Variants in PDZRN3 observed in about 807,000 individuals in gnomAD.
PDZRN3 encodes the protein PDZ domain containing ring finger 3.
A neutral mutation model predicts 85.7 loss-of-function variants in PDZRN3; 38 were observed. The observed-to-expected ratio is 0.44, with a 90% confidence interval of 0.34 to 0.58. The LOEUF (loss-of-function observed/expected upper bound fraction) is 0.58. Ranked by LOEUF, PDZRN3 falls within the 20% of genes least tolerant of loss-of-function variation. The pLI is 0.01. For synonymous variants in PDZRN3, 759 were observed against 638.0 expected (o/e 1.19, Z -2.86); for missense variants, 1,629 against 1,506.4 (o/e 1.08, Z -1.35).
chr3:73,384,172 C>T lies in PDZRN3; in HGVS notation c.2394G>A (p.Thr798=), dbSNP rs373980614. Residue 798 remains threonine, a synonymous_variant, in exon 10 of 10, where the codon ACG becomes ACA. Coordinates refer to ENST00000263666, the MANE Select transcript of PDZRN3 (RefSeq NM_015009.3). ...TCTTGGAGGCTGGCCCGTAGGCTTC[C>T]GTGGTCCCCACAGCCCCTTCGCTGC... ...CPSSEGAVGT[T]EAYGPASKNL... is the part of the protein sequence containing the mutation. The T allele has an allele frequency of 3.5e-5, 56 of 1,613,974 alleles. No homozygotes were observed. The highest frequency in any genetic ancestry group is 4.7e-5 in the Non-Finnish European group (55 of 1,180,042).
chr3:73,460,610 C>A (rs1463285807), intron 3 of PDZRN3, among the ~76,000 whole-genome samples: 1 of 152,094 alleles, frequency 6.6e-6, no homozygotes, highest in African/African-American at 2.4e-5. Context: ...TTTATGATAA[C>A]CACATTTTCT....
intron 3 of PDZRN3, among the ~76,000 whole-genome samples, chr3:73,600,366 C>CTCTCTT (rs1702499275): frequency 6.6e-6 from 1 of 150,708 alleles, no homozygotes; most frequent in African/African-American, 2.4e-5. Flanking sequence ...CTCTCTCTCT[C>CTCTCTT]AAAATAATCA....
intron 3 of PDZRN3, among the ~76,000 whole-genome samples, chr3:73,577,877 T>C (rs1034666699): frequency 6.6e-6 from 1 of 152,234 alleles, no homozygotes; most frequent in Non-Finnish European, 1.5e-5. Context: ...CCAAAGCCTC[T>C]TTTTGTGAAT....
At chr3:73,597,761 TGAA>T (rs1252500777) in intron 3 of PDZRN3, among the ~76,000 whole-genome samples, 1 of 147,046 alleles carries the variant, frequency 6.8e-6, no homozygotes, top group South Asian at 2.1e-4. Flanking sequence ...AAAAAAAAGA[TGAA>T]GAGAGAAATA....
chr3:73,385,421 A>G (rs1047734842), intron 9 of PDZRN3, among the ~76,000 whole-genome samples: 5 of 152,258 alleles, frequency 3.3e-5, no homozygotes, highest in African/African-American at 1.2e-4. Context: ...TGTTTTCCAA[A>G]CAAATTATCA....
At chr3:73,505,909 G>A (rs956520251) in intron 3 of PDZRN3, among the ~76,000 whole-genome samples, 1 of 152,104 alleles carries the variant, frequency 6.6e-6, no homozygotes, top group Non-Finnish European at 1.5e-5. Flanking sequence ...GCACAGAGGA[G>A]GCACTCAACC....
At chr3:73,466,838 A>G (rs1403153195) in intron 3 of PDZRN3, among the ~76,000 whole-genome samples, 1 of 152,240 alleles carries the variant, frequency 6.6e-6, no homozygotes, top group East Asian at 1.9e-4. Flanking sequence ...TCTGGAACAT[A>G]AAACACTAGG....
intron 3 of PDZRN3, among the ~76,000 whole-genome samples, chr3:73,470,163 AAAATT>A (rs1703307464): frequency 6.6e-6 from 1 of 152,242 alleles, no homozygotes; most frequent in Admixed American, 6.5e-5. Flanking sequence ...GCTAAAAAAA[AAAATT>A]AAAATATTGA....
Position 73,624,258 on chromosome 3 carries a change from G to T in PDZRN3, c.568C>A (p.Arg190Ser). The change falls in exon 1 of 10, where the codon CGC (arginine) becomes AGC (serine). Residue 190 changes from arginine to serine, a missense_variant. Arg to Ser is a moderately radical substitution (Grantham distance 110, BLOSUM62 -1). Transcript: ENST00000263666. Reference protein sequence around the residue: ...LHKALKKEALRAGKREKSLVA... With the variant: ...LHKALKKEALSAGKREKSLVA... ...AGCGACTTCTCGCGCTTCCCAGCGC[G>T]CAGCGCCTCCTTCTTGAGCGCCTTG... 1 of 1,440,780 alleles carries T rather than the reference G, an allele frequency of 6.9e-7. No homozygotes were observed. Among genetic ancestry groups the T allele is most frequent in the East Asian group, 2.9e-5 (1 of 34,294 alleles). 89.2% of individuals were successfully genotyped at this position (1,440,780 alleles called of 1,614,324 possible).
chr3:73,562,986 TATATATATATATA>T (rs1701854297), intron 3 of PDZRN3, among the ~76,000 whole-genome samples: 1 of 22,924 alleles, frequency 4.4e-5, no homozygotes, highest in Non-Finnish European at 7.5e-5. Context: ...TGGCAAATTA[TATATATATATATA>T]TATATATATA....
intron 3 of PDZRN3, among the ~76,000 whole-genome samples, chr3:73,437,788 T>C (rs954539524): frequency 1.3e-5 from 2 of 152,190 alleles, no homozygotes; most frequent in Non-Finnish European, 2.9e-5. Flanking sequence ...TGTTTTATTT[T>C]CAAAATGTTG....
rs1702924636 is a variant in PDZRN3, at chr3:73,453,871, C to A, written c.919-49476G>T. 2.0e-5 allele frequency among the ~76,000 whole-genome samples: 3 copies of A among 152,144 alleles called. No individual in the cohort carries two copies. In the South Asian group the frequency reaches 6.2e-4, roughly 32 times the overall value. ...ATTTCCTGCATTGTATTCAGTGCCTCTTATCCTTGTCCAACATCAACAGGT... is the reference window on the plus strand; with the variant it reads ...ATTTCCTGCATTGTATTCAGTGCCTATTATCCTTGTCCAACATCAACAGGT... On this transcript the variant is annotated intron_variant, in intron 3 of 9. Coordinates refer to ENST00000263666, the MANE Select transcript of PDZRN3 (RefSeq NM_015009.3).
At position 73,492,196 on chromosome 3, in the gene PDZRN3, T is replaced by C. The variant is rs563977396; in HGVS notation, c.919-87801A>G. Among the ~76,000 whole-genome samples the C allele has an allele frequency of 3.0e-4, 46 of 152,318 alleles. No individual in the cohort carries two copies. The East Asian group carries it at 8.1e-3, about 27-fold the overall frequency. ...GGGGCCTCTGAAATTTCTAAATTGG[T>C]TTCCAAAATAAAATTATCAAAATAT... is the stretch of plus-strand genomic sequence containing the variant. On this transcript the variant is annotated intron_variant, in intron 3 of 9. Transcript: ENST00000263666.
At chr3:73,603,041 T>G (rs570409614) in intron 2 of PDZRN3, among the ~76,000 whole-genome samples, 1 of 152,374 alleles carries the variant, frequency 6.6e-6, no homozygotes, top group Admixed American at 6.5e-5. Context: ...TCCCTAACAA[T>G]GGAACTGTTG....
chr3:73,479,555 G>C (rs997757408), intron 3 of PDZRN3, among the ~76,000 whole-genome samples: 1 of 152,190 alleles, frequency 6.6e-6, no homozygotes, highest in Non-Finnish European at 1.5e-5. Context: ...CTCAGCCTGA[G>C]AAGCCAATCA....
In PDZRN3 at chr3:73,471,364, C is replaced by T. The variant is rs554277415; in HGVS notation, c.919-66969G>A. ...ACCCTGATTTTGGGTTTCTAGCCTT[C>T]AGAACTTTGAGACAATACATTTCTC... is the stretch of plus-strand genomic sequence containing the variant. On this transcript the variant is annotated intron_variant, in intron 3 of 9. Coordinates refer to ENST00000263666, the MANE Select transcript of PDZRN3 (RefSeq NM_015009.3). Among the ~76,000 whole-genome samples, 3 of 152,262 alleles carry T rather than the reference C, an allele frequency of 2.0e-5. No homozygotes were observed. In the East Asian group the frequency reaches 5.8e-4, roughly 29 times the overall value.
chr3:73,500,684 C>T (rs13096617), intron 3 of PDZRN3, among the ~76,000 whole-genome samples: 39,597 of 152,094 alleles, frequency 0.26, 6,273 homozygotes, highest in Non-Finnish European at 0.37. Flanking sequence ...TAGCCTAGCC[C>T]ACCTGCCAGT....
At chr3:73,599,807 C>T (rs1231807987) in intron 3 of PDZRN3, among the ~76,000 whole-genome samples, 1 of 152,030 alleles carries the variant, frequency 6.6e-6, no homozygotes, top group Admixed American at 6.6e-5. Flanking sequence ...CATCTGCAGC[C>T]ACATAAGGTG....
chr3:73,603,720 A>C (rs1702551048), intron 2 of PDZRN3, among the ~76,000 whole-genome samples: 1 of 152,184 alleles, frequency 6.6e-6, no homozygotes, highest in Non-Finnish European at 1.5e-5. Context: ...GCAAAAAACA[A>C]AACCAAAAAA....
Sources: gnomAD v4.1 joint callset for allele counts (sites outside exome capture counted in the v4.1 genomes callset) on GRCh38, gnomAD v4.1.1 for gene constraint, MANE v1.5 for transcripts, NCBI Gene and HGNC (gene_info 2026-07-23, HGNC 2026-07-21) for gene names.